The following IPO8 variants were observed in gnomAD, a reference collection of about 807,000 sequenced individuals.
The protein encoded by IPO8 is importin-8.
In IPO8, 65 loss-of-function variants were observed where a neutral mutation model predicts 141.2. The ratio of observed to expected loss-of-function variants is 0.46; its 90% CI spans 0.38 to 0.57. The LOEUF is 0.57. Among genes scored for constraint, IPO8 ranks in the 20% least tolerant of loss-of-function variants. The pLI, the probability that IPO8 is intolerant of heterozygous loss-of-function variation, is 0.00. For missense variants in IPO8, 980 were observed against 1,246.8 expected (o/e 0.79, Z 3.22); for synonymous variants, 411 against 420.3 (o/e 0.98, Z 0.27).
At chr12:30,648,296 A>G (rs1459570575) in intron 20 of IPO8, among the ~76,000 whole-genome samples, 1 of 152,228 alleles carries the variant, frequency 6.6e-6, no homozygotes, top group African/African-American at 2.4e-5. Context: ...TTGAAAACCT[A>G]TGACAAGTGA....
intron 1 of IPO8, among the ~76,000 whole-genome samples, chr12:30,691,334 C>T (rs183645094): frequency 6.6e-6 from 1 of 152,246 alleles, no homozygotes; most frequent in East Asian, 1.9e-4. Flanking sequence ...CACCAGCTGC[C>T]CTCTACTGCT....
chr12:30,648,896 A>T (rs1295247476), intron 20 of IPO8, among the ~76,000 whole-genome samples: 1 of 151,676 alleles, frequency 6.6e-6, no homozygotes, highest in Non-Finnish European at 1.5e-5. Flanking sequence ...TTCCTTCATT[A>T]TTTTTTTGAT....
In IPO8 at chr12:30,637,224, G is replaced by T. The variant is rs1214304617; in HGVS notation, c.2490-37C>A. On this transcript the variant is annotated intron_variant, in intron 21 of 24. Transcript: ENST00000256079. ...GAAGAAAAAAAAAATGTAGACATGA[G>T]AAGTGGAATAAAGAACAAATTCTGG... 7 of 1,484,458 alleles carry T rather than the reference G, an allele frequency of 4.7e-6. No homozygotes were observed. In the African/African-American group the frequency reaches 8.3e-5, roughly 18 times the overall value. 92.0% of individuals were successfully genotyped at this position (1,484,458 alleles called of 1,614,324 possible).
chr12:30,656,658 T>C, intron 17 of IPO8, 26 bp downstream of exon 17: 5 of 1,418,570 alleles, frequency 3.5e-6, no homozygotes, highest in Non-Finnish European at 3.9e-6. Context: ...TTTCAATTTA[T>C]CTTTTTATTT....
intron 13 of IPO8, 138 bp downstream of exon 13, chr12:30,665,082 T>A (rs900578455): frequency 5.0e-6 from 3 of 603,436 alleles, no homozygotes; most frequent in Non-Finnish European, 8.8e-6. Flanking sequence ...ATTCAGCTGA[T>A]GTGACCATAG....
At chr12:30,671,357 G>A (rs2053045872) in intron 8 of IPO8, among the ~76,000 whole-genome samples, 2 of 152,164 alleles carry the variant, frequency 1.3e-5, no homozygotes, top group South Asian at 4.1e-4. Context: ...TTCAAAGTAA[G>A]TTAAAACTCC....
Position 30,661,133 on chromosome 12 carries a change from A to C in IPO8, c.1881+8T>G. 2.7e-6 allele frequency: 4 copies of C among 1,501,770 alleles called. No homozygotes were observed. Among genetic ancestry groups the C allele is most frequent in the Non-Finnish European group, 3.6e-6 (4 of 1,123,998 alleles). The allele number at this position is 1,501,770 out of a possible 1,614,324, so 93.0% of individuals were successfully genotyped here. A position where few individuals can be genotyped will look rare whatever the true frequency, so the allele number is the denominator to read the frequency against. On this transcript the variant is annotated splice_region_variant and intron_variant, in intron 16 of 24. Transcript: ENST00000256079. ...ACTATTATATCATAAACCACAAAGA[A>C]ATCTCACCTCTTTATGATCTTCTAC... is the stretch of plus-strand genomic sequence containing the variant.
At chr12:30,659,232 A>G (rs1191947460) in intron 16 of IPO8, among the ~76,000 whole-genome samples, 1 of 152,098 alleles carries the variant, frequency 6.6e-6, no homozygotes, top group Non-Finnish European at 1.5e-5. Context: ...GCTCATGCCT[A>G]TAATCCCAGC....
chr12:30,677,059 T>C, intron 5 of IPO8: 1 of 1,522,622 alleles, frequency 6.6e-7, no homozygotes, highest in South Asian at 1.2e-5. Context: ...TGCTGTACTG[T>C]GAGTTGCAGA....
intron 20 of IPO8, among the ~76,000 whole-genome samples, chr12:30,642,774 A>G (rs1209056980): frequency 2.6e-5 from 4 of 152,080 alleles, no homozygotes; most frequent in Admixed American, 2.6e-4. Flanking sequence ...GACATCTATA[A>G]GATAAGCCTG....
chr12:30,631,805 C>A, intron 24 of IPO8, 90 bp downstream of exon 24: 1 of 731,318 alleles, frequency 1.4e-6, no homozygotes, highest in Non-Finnish European at 2.4e-6. Flanking sequence ...ATTTCAAAAA[C>A]AGTGTTTAGG....
intron 20 of IPO8, 50 bp downstream of exon 20, chr12:30,649,087 T>C: frequency 8.3e-7 from 1 of 1,211,904 alleles, no homozygotes; most frequent in South Asian, 1.3e-5. Flanking sequence ...AGCAGGCATG[T>C]AAACTTCAAA....
Position 30,663,536 on chromosome 12 carries a change from ACTTTG to A in IPO8, c.1542_1546del (p.Lys515Ter). 1 of 1,613,878 alleles carries A rather than the reference ACTTTG, an allele frequency of 6.2e-7. No individual in the cohort carries two copies. Among genetic ancestry groups the A allele is most frequent in the Non-Finnish European group, 8.5e-7 (1 of 1,179,900 alleles). ...AGACTGAAGAGCAAGGGCAGCTTCA[ACTTTG>A]ACAGGCATCTCTTTATCTTCAATCA... On this transcript the variant is annotated frameshift_variant, in exon 14 of 25. Coordinates refer to ENST00000256079, the MANE Select transcript of IPO8 (RefSeq NM_006390.4). LOFTEE classifies it high-confidence loss of function.
At position 30,695,653 on chromosome 12, in the gene IPO8, C is replaced by T; in HGVS notation, c.-6G>A. ...ATGATCCGGTTGAGGTCCATCTCCC[C>T]GGGTGGGGGCTCCGCGGCCCCCGGA... is the stretch of plus-strand genomic sequence containing the variant. On this transcript the variant is annotated 5_prime_UTR_variant, in exon 1 of 25. Transcript: ENST00000256079. The surrounding 1 kb of genome is among the most constrained non-coding windows in gnomAD (Gnocchi z 4.2). 2 of 1,613,018 alleles carry T rather than the reference C, an allele frequency of 1.2e-6. No homozygotes were observed. The highest frequency in any genetic ancestry group is 1.1e-5 in the South Asian group (1 of 91,056).
At chr12:30,678,264 G>A (rs763694365) in intron 5 of IPO8, among the ~76,000 whole-genome samples, 14 of 151,922 alleles carry the variant, frequency 9.2e-5, no homozygotes, top group South Asian at 2.1e-4. Context: ...ATAGACTAAC[G>A]TCCTAGGCCT....
chr12:30,664,802 C>T (rs936414010), intron 13 of IPO8, among the ~76,000 whole-genome samples: 3 of 152,052 alleles, frequency 2.0e-5, no homozygotes, highest in African/African-American at 2.4e-5. Flanking sequence ...TGCAGTGGCA[C>T]GATCTCAGCT....
rs1371154365 is a variant in IPO8, at chr12:30,680,476, A to G, written c.639+6T>C. On this transcript the variant is annotated splice_donor_region_variant and intron_variant, in intron 5 of 24. Coordinates refer to ENST00000256079, the MANE Select transcript of IPO8 (RefSeq NM_006390.4). ...TCCATGTTTGTTTTCTGCAATAGAA[A>G]CCTACCTGAACAAGTGCATAAAAGA... The G allele has an allele frequency of 6.2e-7, 1 of 1,603,712 alleles. No homozygotes were observed. Among genetic ancestry groups the G allele is most frequent in the African/African-American group, 1.3e-5 (1 of 74,648 alleles).
intron 23 of IPO8, among the ~76,000 whole-genome samples, chr12:30,633,415 T>C (rs1591948508): frequency 6.6e-6 from 1 of 152,336 alleles, no homozygotes; most frequent in South Asian, 2.1e-4. Context: ...AAATAATTTA[T>C]TTGATTAATA....
At chr12:30,654,045 TC>T (rs2052763710) in intron 17 of IPO8, among the ~76,000 whole-genome samples, 1 of 151,628 alleles carries the variant, frequency 6.6e-6, no homozygotes, top group Non-Finnish European at 1.5e-5. Flanking sequence ...CAAAAGTAAA[TC>T]TACCCATTTA....
Sources: allele counts gnomAD v4.1 joint callset (sites outside exome capture counted in the v4.1 genomes callset), GRCh38; gene constraint gnomAD v4.1.1; non-coding constraint Gnocchi (gnomAD v3.1); transcripts MANE v1.5; gene names NCBI Gene and HGNC (gene_info 2026-07-23, HGNC 2026-07-21).